Variants in DPYSL2 observed in about 807,000 individuals in gnomAD.
The protein encoded by DPYSL2 is dihydropyrimidinase-related protein 2.
In DPYSL2, 13 loss-of-function variants were observed where a neutral mutation model predicts 69.9. That is an observed-to-expected ratio of 0.19 (90% CI 0.12 to 0.30). The LOEUF (loss-of-function observed/expected upper bound fraction) is 0.30, where lower values mean the gene tolerates loss of function less well. DPYSL2 is among the 10% of genes least tolerant of loss of function. DPYSL2 has a pLI of 1.00. For synonymous variants in DPYSL2, 326 were observed against 359.1 expected (o/e 0.91, Z 1.04); for missense variants, 587 against 918.9 (o/e 0.64, Z 4.67).
In DPYSL2 at chr8:26,626,526, C is replaced by A; in HGVS notation, c.794-91C>A. The A allele has an allele frequency of 3.6e-6, 4 of 1,109,098 alleles. No individual in the cohort carries two copies. Among genetic ancestry groups the A allele is most frequent in the South Asian group, 2.7e-5 (2 of 74,840 alleles). 68.7% of individuals were successfully genotyped at this position (1,109,098 alleles called of 1,614,324 possible). A position where few individuals can be genotyped will look rare whatever the true frequency, so the allele number is the denominator to read the frequency against. On this transcript the variant is annotated intron_variant, in intron 4 of 13. Coordinates refer to ENST00000521913, the MANE Select transcript of DPYSL2 (RefSeq NM_001197293.3). The surrounding 1 kb of genome is among the most constrained non-coding windows in gnomAD (Gnocchi z 4.3). ...ACACACACACACACACACACACGTA[C>A]ACACACAGACAGTATTATCACTTTC...
chr8:26,559,984 C>A (rs569373977), intron 1 of DPYSL2, among the ~76,000 whole-genome samples: 2 of 152,352 alleles, frequency 1.3e-5, no homozygotes, highest in South Asian at 4.1e-4. Flanking sequence ...GTTCCCATCT[C>A]ATTATGCTGA....
At chr8:26,623,855 C>T (rs982182703) in intron 3 of DPYSL2, 11 of 346,360 alleles carry the variant, frequency 3.2e-5, no homozygotes, top group East Asian at 6.4e-5. Context: ...ACTCGTTGTC[C>T]GTGAAATGCA....
Position 26,564,483 on chromosome 8 carries a change from G to T in DPYSL2, c.355-17486G>T, listed in dbSNP as rs1294473979. On this transcript the variant is annotated intron_variant, in intron 1 of 13. Coordinates refer to ENST00000521913, the MANE Select transcript of DPYSL2 (RefSeq NM_001197293.3). The surrounding 1 kb of genome is among the most constrained non-coding windows in gnomAD (Gnocchi z 4.8). Reference sequence around the variant, plus strand: ...CAGCATGGATTTGGGAATAATCCTTGAATGGGCTGACGTCTTCCTGTGAGA... The same window carrying T: ...CAGCATGGATTTGGGAATAATCCTTTAATGGGCTGACGTCTTCCTGTGAGA... Among the ~76,000 whole-genome samples the T allele has an allele frequency of 6.6e-6, 1 of 152,186 alleles. No homozygotes were observed. The highest frequency in any genetic ancestry group is 2.4e-5 in the African/African-American group (1 of 41,434).
rs1347497052 is a variant in DPYSL2, at chr8:26,533,308, C to G, written c.354+18629C>G. ...ATATATATTATTTTTTTCTCCTGCTCTGTGGATTGTTTTTCACTTTCCTGA... is the reference window on the plus strand; with the variant it reads ...ATATATATTATTTTTTTCTCCTGCTGTGTGGATTGTTTTTCACTTTCCTGA... On this transcript the variant is annotated intron_variant, in intron 1 of 13. Coordinates refer to ENST00000521913, the MANE Select transcript of DPYSL2 (RefSeq NM_001197293.3). This position sits in a 1 kb window ranked among gnomAD's most constrained non-coding sequence, Gnocchi z 4.8. Among the ~76,000 whole-genome samples, 1 of 152,090 alleles carries G rather than the reference C, an allele frequency of 6.6e-6. No homozygotes were observed. Among genetic ancestry groups the G allele is most frequent in the Non-Finnish European group, 1.5e-5 (1 of 68,030 alleles).
chr8:26,581,999 A>C lies in DPYSL2; in HGVS notation c.385A>C (p.Ile129Leu). The change falls in exon 2 of 14, where the codon ATT (isoleucine) becomes CTT (leucine). Residue 129 changes from isoleucine to leucine, a missense_variant. Physicochemically the swap from Ile to Leu is conservative, Grantham distance 5. This residue lies in a region of DPYSL2 where 452 missense variants were observed against 754.3 expected (regional missense o/e 0.60). Coordinates refer to ENST00000521913, the MANE Select transcript of DPYSL2 (RefSeq NM_001197293.3). ...SDRLLIKGGK[I>L]VNDDQSFYAD... ...TCGTCTTCTGATCAAAGGAGGTAAA[A>C]TTGTTAATGATGACCAGTCGTTCTA... The C allele has an allele frequency of 6.2e-7, 1 of 1,614,032 alleles. No homozygotes were observed. The highest frequency in any genetic ancestry group is 2.2e-5 in the East Asian group (1 of 44,874).
intron 1 of DPYSL2, among the ~76,000 whole-genome samples, chr8:26,524,918 G>A (rs1808452556): frequency 6.7e-6 from 1 of 149,692 alleles, no homozygotes; most frequent in South Asian, 2.1e-4. Context: ...TTTATAGGTG[G>A]CAAATAGTAT....
At position 26,587,842 on chromosome 8, in the gene DPYSL2, C is replaced by G. The variant is rs1006312055; in HGVS notation, c.628+3859C>G. Among the ~76,000 whole-genome samples the G allele has an allele frequency of 1.3e-5, 2 of 152,134 alleles. No homozygotes were observed. Among genetic ancestry groups the G allele is most frequent in the African/African-American group, 4.8e-5 (2 of 41,438 alleles). On this transcript the variant is annotated intron_variant, in intron 3 of 13. Transcript: ENST00000521913. This position sits in a 1 kb window ranked among gnomAD's most constrained non-coding sequence, Gnocchi z 4.2. ...TCATGGTCATTTGAGTTCAGGATCT[C>G]AGAGTTTCTAGGAAGCAGCTGGGAA...
Position 26,655,628 on chromosome 8 carries a change from T to C in DPYSL2, c.1956T>C (p.Asp652=), listed in dbSNP as rs1317993759. 1.9e-6 allele frequency: 3 copies of C among 1,609,420 alleles called. No individual in the cohort carries two copies. The highest frequency in any genetic ancestry group is 2.5e-6 in the Non-Finnish European group (3 of 1,177,938). The part of the protein sequence containing the change: ...SGFSLSGAQI[D]DNIPRRTTQR... ...CTCTCCCTCCAGGTGCTCAGATTGA[T>C]GACAACATTCCCCGCCGCACCACCC... The change falls in exon 14 of 14, where the codon GAT becomes GAC. Residue 652 remains aspartate, a synonymous_variant. Transcript: ENST00000521913.
chr8:26,572,920 T>C (rs963238502), intron 1 of DPYSL2, among the ~76,000 whole-genome samples: 44 of 152,216 alleles, frequency 2.9e-4, no homozygotes, highest in African/African-American at 1.0e-3. Context: ...GGTGGTTTAC[T>C]GCGATGAATG....
Position 26,627,076 on chromosome 8 carries a change from T to C in DPYSL2, c.856-139T>C, listed in dbSNP as rs879216596. 1.4e-6 allele frequency: 1 copy of C among 731,148 alleles called. No individual in the cohort carries two copies. The highest frequency in any genetic ancestry group is 1.8e-5 in the South Asian group (1 of 57,050). 45.3% of individuals were successfully genotyped at this position (731,148 alleles called of 1,614,324 possible). ...GGCCAGTAACATTGCCCTCATCATA[T>C]CAAAAAAAGTCAGGCTAATAGAATC... On this transcript the variant is annotated intron_variant, in intron 5 of 13. Transcript: ENST00000521913. This position sits in a 1 kb window ranked among gnomAD's most constrained non-coding sequence, Gnocchi z 6.9.
At position 26,624,029 on chromosome 8, in the gene DPYSL2, C is replaced by G. The variant is rs568105314; in HGVS notation, c.629-114C>G. On this transcript the variant is annotated intron_variant, in intron 3 of 13. Coordinates refer to ENST00000521913, the MANE Select transcript of DPYSL2 (RefSeq NM_001197293.3). The surrounding 1 kb of genome is among the most constrained non-coding windows in gnomAD (Gnocchi z 4.7). ...TCTTAGAAGCTGGTTGTAGAGATCA[C>G]CATCTCGATTTTGAACCCAAGAAGC... 495 of 1,086,566 alleles carry G rather than the reference C, an allele frequency of 4.6e-4. No homozygotes were observed. The highest frequency in any genetic ancestry group is 6.4e-4 in the Non-Finnish European group (477 of 742,296). The allele number at this position is 1,086,566 out of a possible 1,614,324, so 67.3% of individuals were successfully genotyped here.
At chr8:26,629,989 ACACACG>A (rs1302193629) in intron 7 of DPYSL2, among the ~76,000 whole-genome samples, 1 of 111,586 alleles carries the variant, frequency 9.0e-6, no homozygotes, top group Non-Finnish European at 2.2e-5. Flanking sequence ...ATATACATAC[ACACACG>A]TCCATAGGCA....
Position 26,653,114 on chromosome 8 carries a change from C to T in DPYSL2, c.1777-118C>T. ...CCCCACACAACACCTGTCCACCTGT[C>T]TGTAAGGAGAGCCCTCCATCCCTAG... On this transcript the variant is annotated intron_variant, in intron 12 of 13. Coordinates refer to ENST00000521913, the MANE Select transcript of DPYSL2 (RefSeq NM_001197293.3). The surrounding 1 kb of genome is among the most constrained non-coding windows in gnomAD (Gnocchi z 5.7). 7.9e-7 allele frequency: 1 copy of T among 1,271,946 alleles called. No individual in the cohort carries two copies. Among genetic ancestry groups the T allele is most frequent in the East Asian group, 2.4e-5 (1 of 41,552 alleles). 78.8% of individuals were successfully genotyped at this position (1,271,946 alleles called of 1,614,324 possible). A position where few individuals can be genotyped will look rare whatever the true frequency, so the allele number is the denominator to read the frequency against.
At chr8:26,568,604 C>T (rs1209849473) in intron 1 of DPYSL2, among the ~76,000 whole-genome samples, 1 of 152,160 alleles carries the variant, frequency 6.6e-6, no homozygotes, top group Admixed American at 6.5e-5. Context: ...CCCAAAGTGT[C>T]CTCTAGGGAA....
chr8:26,545,952 T>C (rs79152651), intron 1 of DPYSL2, among the ~76,000 whole-genome samples: 10,805 of 152,276 alleles, frequency 0.071, 457 homozygotes, highest in South Asian at 0.22. Flanking sequence ...TCCTTCAATT[T>C]CACGTTGCCT....
intron 1 of DPYSL2, among the ~76,000 whole-genome samples, chr8:26,515,032 G>A (rs1024513535): frequency 6.6e-6 from 1 of 152,242 alleles, no homozygotes; most frequent in African/African-American, 2.4e-5. Context: ...TCCGATTGCA[G>A]CTGCGGCTGG....
rs1487170905 is a variant in DPYSL2, at chr8:26,533,558, G to C, written c.354+18879G>C. Among the ~76,000 whole-genome samples the C allele has an allele frequency of 2.6e-5, 4 of 152,126 alleles. No individual in the cohort carries two copies. The highest frequency in any genetic ancestry group is 2.6e-4 in the Admixed American group (4 of 15,268). ...ATTTTTCTATGTGGTATGAGACAGG[G>C]GTCTAACTTCATTATTTTGCCTGTG... On this transcript the variant is annotated intron_variant, in intron 1 of 13. Transcript: ENST00000521913. The surrounding 1 kb of genome is among the most constrained non-coding windows in gnomAD (Gnocchi z 4.8).
intron 1 of DPYSL2, among the ~76,000 whole-genome samples, chr8:26,546,184 G>C (rs189925342): frequency 6.6e-6 from 1 of 152,098 alleles, no homozygotes; most frequent in African/African-American, 2.4e-5. Flanking sequence ...AAAATTGTAG[G>C]TTTCCTTACA....
intron 3 of DPYSL2, among the ~76,000 whole-genome samples, chr8:26,622,151 T>TCCCTCCC (rs1563413396): frequency 7.1e-5 from 3 of 42,164 alleles, no homozygotes; most frequent in Admixed American, 4.6e-4. Context: ...CCTTCCTTCC[T>TCCCTCCC]TCCTTCCCTC....
Sources: allele counts gnomAD v4.1 joint callset (sites outside exome capture counted in the v4.1 genomes callset), GRCh38; gene constraint gnomAD v4.1.1; regional missense constraint gnomAD v4.1.1; non-coding constraint Gnocchi (gnomAD v3.1); transcripts MANE v1.5; gene names NCBI Gene and HGNC (gene_info 2026-07-23, HGNC 2026-07-21).